Variants in FBXO33 observed in about 807,000 individuals in gnomAD.
FBXO33 encodes F-box protein 33.
A neutral mutation model predicts 46.3 loss-of-function variants in FBXO33; 22 were observed. The observed-to-expected ratio is 0.48, with a 90% confidence interval of 0.34 to 0.68. FBXO33 has a LOEUF of 0.68. Among genes scored for constraint, FBXO33 ranks in the 30% least tolerant of loss-of-function variants. The probability of loss-of-function intolerance (pLI) is 0.01; values close to 1 mark genes in which losing one functional copy is unlikely to be tolerated. For synonymous variants in FBXO33, 337 were observed against 291.3 expected (o/e 1.16, Z -1.60); for missense variants, 692 against 708.8 (o/e 0.98, Z 0.27).
intron 1 of FBXO33, among the ~76,000 whole-genome samples, chr14:39,409,430 CTGGTCTAT>C (rs2075412929): frequency 6.6e-6 from 1 of 152,174 alleles, no homozygotes; most frequent in Non-Finnish European, 1.5e-5. Flanking sequence ...TTCTGCTCCA[CTGGTCTAT>C]ACATCCATCT....
intron 1 of FBXO33, among the ~76,000 whole-genome samples, chr14:39,429,132 C>T (rs1253495930): frequency 1.3e-5 from 2 of 152,134 alleles, no homozygotes; most frequent in Non-Finnish European, 2.9e-5. Context: ...AGATCAGCAC[C>T]CTTGAAAAGT....
At chr14:39,430,460 A>G (rs554414947) in intron 1 of FBXO33, among the ~76,000 whole-genome samples, 3 of 152,312 alleles carry the variant, frequency 2.0e-5, no homozygotes, top group South Asian at 2.1e-4. Context: ...AATGTTCAGT[A>G]TATTTACTGC....
intron 1 of FBXO33, among the ~76,000 whole-genome samples, chr14:39,411,430 A>T (rs1297460425): frequency 2.6e-5 from 4 of 151,524 alleles, no homozygotes; most frequent in African/African-American, 9.7e-5. Context: ...TTTTGCTATA[A>T]ATTTTCCTTT....
At chr14:39,430,494 A>G (rs1293334703) in intron 1 of FBXO33, among the ~76,000 whole-genome samples, 1 of 152,154 alleles carries the variant, frequency 6.6e-6, no homozygotes, top group East Asian at 1.9e-4. Flanking sequence ...TTCGGAGAAA[A>G]ACAATGCCGT....
intron 1 of FBXO33, among the ~76,000 whole-genome samples, chr14:39,420,634 T>C (rs573371465): frequency 6.6e-6 from 1 of 152,096 alleles, no homozygotes; most frequent in Admixed American, 6.5e-5. Flanking sequence ...GAGCTTGCAG[T>C]AGGCCGAGAT....
chr14:39,413,064 A>G (rs1404370066), intron 1 of FBXO33, among the ~76,000 whole-genome samples: 1 of 152,236 alleles, frequency 6.6e-6, no homozygotes, highest in Non-Finnish European at 1.5e-5. Flanking sequence ...ACTTCCTTTC[A>G]TGAAAGATTT....
In FBXO33 at chr14:39,401,121, GA is replaced by G. The variant is rs1248088472; in HGVS notation, c.1396+54del. ...GGTCAGTGCTATCTCTTTACTGGCA[GA>G]AAATGTTTTCGGTCTAATTCCAGTA... On this transcript the variant is annotated intron_variant, in intron 3 of 3. Coordinates refer to ENST00000298097, the MANE Select transcript of FBXO33 (RefSeq NM_203301.4). 5 of 1,487,454 alleles carry G rather than the reference GA, an allele frequency of 3.4e-6. No homozygotes were observed. In the East Asian group the frequency reaches 1.1e-4, roughly 34 times the overall value. The allele number at this position is 1,487,454 out of a possible 1,614,324, so 92.1% of individuals were successfully genotyped here.
intron 1 of FBXO33, among the ~76,000 whole-genome samples, chr14:39,408,362 T>G (rs1022875296): frequency 6.6e-6 from 1 of 152,218 alleles, no homozygotes; most frequent in Non-Finnish European, 1.5e-5. Context: ...TGGAGGCCAT[T>G]TGTATGTCTT....
At chr14:39,416,768 T>C (rs915342640) in intron 1 of FBXO33, among the ~76,000 whole-genome samples, 2 of 152,208 alleles carry the variant, frequency 1.3e-5, no homozygotes, top group Non-Finnish European at 2.9e-5. Flanking sequence ...AGTGTTTTCA[T>C]GTAACTCAGT....
At chr14:39,402,048 A>G (rs894382646) in intron 2 of FBXO33, among the ~76,000 whole-genome samples, 187 bp from the exon 3 acceptor site, 1 of 152,248 alleles carries the variant, frequency 6.6e-6, no homozygotes, top group African/African-American at 2.4e-5. Context: ...AATAAGGTAT[A>G]TTAAACATAA....
chr14:39,430,624 T>C (rs1476592977), intron 1 of FBXO33, among the ~76,000 whole-genome samples: 5 of 152,300 alleles, frequency 3.3e-5, no homozygotes, highest in Middle Eastern at 3.4e-3. Flanking sequence ...ACAGTGAATG[T>C]GAAACTGCTG....
chr14:39,401,896 A>C, intron 2 of FBXO33, 35 bp from the exon 3 acceptor site: 2 of 1,505,678 alleles, frequency 1.3e-6, no homozygotes, highest in Non-Finnish European at 1.8e-6. Flanking sequence ...TGATCCCATT[A>C]ACATTTAGTT....
At chr14:39,403,756 C>A (rs2075379617) in intron 1 of FBXO33, among the ~76,000 whole-genome samples, 2 of 151,512 alleles carry the variant, frequency 1.3e-5, no homozygotes, top group African/African-American at 2.4e-5. Flanking sequence ...AAAAATGTAT[C>A]ATCTACAACA....
At chr14:39,401,886 T>A (rs781617591) in intron 2 of FBXO33, 25 bp from the exon 3 acceptor site, 66 of 1,548,694 alleles carry the variant, frequency 4.3e-5, no homozygotes, top group Non-Finnish European at 5.7e-5. Flanking sequence ...CATGCCACAG[T>A]GATCCCATTA....
In FBXO33 at chr14:39,432,007, G is replaced by GCCGGCTC. The variant is rs1567081570; in HGVS notation, c.149_155dup (p.Arg55GlnfsTer48). 2 of 1,416,878 alleles carry GCCGGCTC rather than the reference G, an allele frequency of 1.4e-6. No homozygotes were observed. Among genetic ancestry groups the GCCGGCTC allele is most frequent in the East Asian group, 2.9e-5 (1 of 34,732 alleles). The allele number at this position is 1,416,878 out of a possible 1,614,324, so 87.8% of individuals were successfully genotyped here. A position where few individuals can be genotyped will look rare whatever the true frequency, so the allele number is the denominator to read the frequency against. ...GAGCCATCCGGCCCCGCCGCCGGCT[G>GCCGGCTC]CCGGCTCCCGGCCGCCCCCGCAGTA... On this transcript the variant is annotated frameshift_variant, in exon 1 of 4. Transcript: ENST00000298097. LOFTEE classifies it high-confidence loss of function.
At chr14:39,429,928 C>T (rs116596704) in intron 1 of FBXO33, among the ~76,000 whole-genome samples, 1 of 152,188 alleles carries the variant, frequency 6.6e-6, no homozygotes, top group African/African-American at 2.4e-5. Context: ...ACCCATCCAA[C>T]CAACCAGTTA....
rs1373079923 is a variant in FBXO33, at chr14:39,402,461, T to A, written c.650A>T (p.Gln217Leu). Residue 217 changes from glutamine (Q) to leucine (L), a missense_variant, in exon 2 of 4, where the codon CAA becomes CTA. Gln to Leu is a moderately radical substitution (Grantham distance 113). Around this residue, in one of 3 missense-constraint regions of FBXO33, gnomAD observed 412 missense variants for 370.8 expected, o/e 1.11. Transcript: ENST00000298097. ...GAGGTATGTATTTGACAAACTTCCT[T>A]GCTGTTGTAGAACACTTATGTCTCC... ...LFGDISVLQQQGSLSNTYLSK... is the reference protein window; with the variant it reads ...LFGDISVLQQLGSLSNTYLSK... The A allele has an allele frequency of 6.3e-7, 1 of 1,583,550 alleles. No individual in the cohort carries two copies. The highest frequency in any genetic ancestry group is 8.6e-7 in the Non-Finnish European group (1 of 1,164,448).
chr14:39,414,425 T>A lies in FBXO33; in HGVS notation c.600-11914A>T, dbSNP rs150182049. 1.6e-3 allele frequency among the ~76,000 whole-genome samples: 250 copies of A among 152,364 alleles called. 1 individual carries two copies. Among genetic ancestry groups the A allele is most frequent in the African/African-American group, 5.3e-3 (222 of 41,584 alleles). ...CAGTAATAAGGCCATTTCCCTTTCTTATCACTCATGTGATAGATGGAGTAC... is the reference window on the plus strand; with the variant it reads ...CAGTAATAAGGCCATTTCCCTTTCTAATCACTCATGTGATAGATGGAGTAC... On this transcript the variant is annotated intron_variant, in intron 1 of 3. Transcript: ENST00000298097.
chr14:39,403,803 CTT>C (rs36096381), intron 1 of FBXO33, among the ~76,000 whole-genome samples: 89 of 138,406 alleles, frequency 6.4e-4, no homozygotes, highest in Non-Finnish European at 5.9e-4. Context: ...AATACCATTT[CTT>C]TTTTTTTTTT....
Sources: gnomAD v4.1 joint callset for allele counts (sites outside exome capture counted in the v4.1 genomes callset) on GRCh38, gnomAD v4.1.1 for gene constraint, gnomAD v4.1.1 regional missense constraint, MANE v1.5 for transcripts, NCBI Gene and HGNC (gene_info 2026-07-23, HGNC 2026-07-21) for gene names.